The following NELL1 variants were observed in gnomAD, a reference collection of about 807,000 sequenced individuals.
NELL1 encodes the protein neural EGFL like 1.
A neutral mutation model predicts 107.4 loss-of-function variants in NELL1; 76 were observed. That is an observed-to-expected ratio of 0.71 (90% confidence interval 0.59 to 0.86). The LOEUF (loss-of-function observed/expected upper bound fraction) is 0.86. Ranked by LOEUF, NELL1 falls within the 40% of genes least tolerant of loss-of-function variation. The pLI is 0.00. For missense variants in NELL1, 1,024 were observed against 1,005.5 expected (o/e 1.02, Z -0.25); for synonymous variants, 353 against 341.2 (o/e 1.03, Z -0.38).
chr11:21,477,882 T>C (rs1349356913), intron 15 of NELL1, among the ~76,000 whole-genome samples: 7 of 144,150 alleles, frequency 4.9e-5, no homozygotes, highest in African/African-American at 7.5e-5. Context: ...AAATAAATTA[T>C]AATAAATAAA....
At chr11:21,259,954 A>G (rs1053184557) in intron 14 of NELL1, 2 of 151,914 alleles carry the variant, frequency 1.3e-5, no homozygotes, top group Non-Finnish European at 2.9e-5. Flanking sequence ...AATTACCACC[A>G]AATATTTTAT....
chr11:21,078,191 C>T (rs1854186173), intron 12 of NELL1, among the ~76,000 whole-genome samples: 1 of 151,796 alleles, frequency 6.6e-6, no homozygotes, highest in African/African-American at 2.4e-5. Flanking sequence ...GAAATCAAAA[C>T]ATAAAAGATA....
At chr11:21,375,422 T>C (rs761186950) in intron 15 of NELL1, among the ~76,000 whole-genome samples, 1 of 152,184 alleles carries the variant, frequency 6.6e-6, no homozygotes, top group Non-Finnish European at 1.5e-5. Context: ...ATGGTGTATA[T>C]GTACCATATT....
chr11:21,506,237 G>T (rs1855275387), intron 15 of NELL1, among the ~76,000 whole-genome samples: 1 of 152,140 alleles, frequency 6.6e-6, no homozygotes, highest in Non-Finnish European at 1.5e-5. Context: ...ACATTGTCAA[G>T]AAACTTAAGA....
chr11:20,756,562 C>T (rs1489545188), intron 2 of NELL1, among the ~76,000 whole-genome samples: 1 of 139,906 alleles, frequency 7.1e-6, no homozygotes, highest in Non-Finnish European at 1.5e-5. Flanking sequence ...AGGGTTTCAC[C>T]ATGCTAGCCA....
At chr11:20,862,025 G>T (rs895484998) in intron 4 of NELL1, among the ~76,000 whole-genome samples, 4 of 152,218 alleles carry the variant, frequency 2.6e-5, no homozygotes, top group Admixed American at 2.6e-4. Context: ...AGATAAAGCC[G>T]TGCCTGGGAT....
chr11:21,209,799 G>T (rs2133858881), intron 13 of NELL1, among the ~76,000 whole-genome samples: 1 of 152,200 alleles, frequency 6.6e-6, no homozygotes, highest in East Asian at 1.9e-4. Flanking sequence ...AAGAAGCGAA[G>T]CTATTTGTTT....
In NELL1 at chr11:21,037,566, A is replaced by G. The variant is rs61273521; in HGVS notation, c.1301-76023A>G. On this transcript the variant is annotated intron_variant, in intron 12 of 19. Transcript: ENST00000357134. ...CTAGTTTTTTATATGCATACATTGC[A>G]TATGCATAGAGCCCCAGCTTTATTT... Among the ~76,000 whole-genome samples, 411 of 152,268 alleles carry G rather than the reference A, an allele frequency of 2.7e-3. 1 individual carries two copies. The highest frequency in any genetic ancestry group is 9.5e-3 in the African/African-American group (393 of 41,564).
chr11:20,769,975 T>C (rs935177991), intron 2 of NELL1, among the ~76,000 whole-genome samples: 2 of 152,178 alleles, frequency 1.3e-5, no homozygotes, highest in South Asian at 2.1e-4. Flanking sequence ...TCCTTTGAAA[T>C]GAATTATCAC....
intron 2 of NELL1, among the ~76,000 whole-genome samples, chr11:20,778,498 CTT>C (rs1161737750): frequency 0.017 from 1,259 of 72,998 alleles, 13 homozygotes; most frequent in African/African-American, 0.06. Context: ...TCACCCAGCA[CTT>C]TTTTTTTTTT....
chr11:21,464,523 C>A (rs1853978545), intron 15 of NELL1, among the ~76,000 whole-genome samples: 1 of 151,916 alleles, frequency 6.6e-6, no homozygotes, highest in Non-Finnish European at 1.5e-5. Context: ...GTTTCATTAT[C>A]TATCTTGATC....
chr11:21,010,115 A>G (rs1219775344), intron 12 of NELL1, among the ~76,000 whole-genome samples: 1 of 151,990 alleles, frequency 6.6e-6, no homozygotes, highest in South Asian at 2.1e-4. Flanking sequence ...CTCTTAGTAG[A>G]GCATTGTTTA....
At chr11:20,862,239 T>C (rs1430842401) in intron 4 of NELL1, among the ~76,000 whole-genome samples, 1 of 152,230 alleles carries the variant, frequency 6.6e-6, no homozygotes, top group East Asian at 1.9e-4. Flanking sequence ...AGAAGTGAAC[T>C]GAAGGACAAA....
intron 4 of NELL1, among the ~76,000 whole-genome samples, chr11:20,865,057 G>T (rs539671231): frequency 4.6e-5 from 7 of 152,162 alleles, no homozygotes; most frequent in South Asian, 2.1e-4. Context: ...CTGCAAGTTG[G>T]ATCCATGACA....
intron 13 of NELL1, among the ~76,000 whole-genome samples, chr11:21,174,379 A>G (rs1305955214): frequency 1.3e-5 from 2 of 151,906 alleles, no homozygotes; most frequent in East Asian, 1.9e-4. Context: ...CCCATTCTCC[A>G]TAGCACCTAG....
intron 14 of NELL1, 56 bp downstream of exon 14, chr11:21,229,510 G>A: frequency 6.2e-7 from 1 of 1,608,476 alleles, no homozygotes; most frequent in Non-Finnish European, 8.5e-7. Context: ...TGGGCTCTTG[G>A]CACTTGTGCG....
chr11:21,238,696 T>C (rs1416749925), intron 14 of NELL1, among the ~76,000 whole-genome samples: 2 of 151,892 alleles, frequency 1.3e-5, no homozygotes, highest in Non-Finnish European at 2.9e-5. Context: ...CTCTGCTGAG[T>C]GGGTGGCAGA....
intron 15 of NELL1, among the ~76,000 whole-genome samples, chr11:21,492,652 A>G (rs894639048): frequency 6.7e-6 from 1 of 149,712 alleles, no homozygotes; most frequent in African/African-American, 2.5e-5. Flanking sequence ...AGGACAAAAA[A>G]CCAAACACTG....
intron 2 of NELL1, among the ~76,000 whole-genome samples, chr11:20,678,573 C>A (rs1565303313): frequency 6.6e-6 from 1 of 152,116 alleles, no homozygotes; most frequent in Non-Finnish European, 1.5e-5. Flanking sequence ...TGGTGTGGTT[C>A]TTAGAAGCAT....
Sources: gnomAD v4.1 joint callset for allele counts (sites outside exome capture counted in the v4.1 genomes callset) on GRCh38, gnomAD v4.1.1 for gene constraint, MANE v1.5 for transcripts, NCBI Gene and HGNC (gene_info 2026-07-23, HGNC 2026-07-21) for gene names.